Variants in ZNF827 observed in about 807,000 individuals in gnomAD.
ZNF827 encodes zinc finger protein 827.
In ZNF827, 13 loss-of-function variants were observed where a neutral mutation model predicts 102.4. The observed-to-expected ratio is 0.13, with a 90% confidence interval of 0.08 to 0.20. The LOEUF is 0.20. Among genes scored for constraint, ZNF827 ranks in the 10% least tolerant of loss-of-function variants. ZNF827 has a pLI of 1.00. For missense variants in ZNF827, 1,103 were observed against 1,344.4 expected, an observed-to-expected ratio of 0.82 and a Z score of 2.81; for synonymous variants, 523 against 536.2, an observed-to-expected ratio of 0.98 and a Z score of 0.34.
chr4:145,930,508 A>G (rs978061036), intron 1 of ZNF827, among the ~76,000 whole-genome samples: 1 of 152,238 alleles, frequency 6.6e-6, no homozygotes, highest in Non-Finnish European at 1.5e-5. Context: ...CCTGGCCTCC[A>G]AGAAGGTCCA....
chr4:145,803,521 C>A (rs1741121175), intron 8 of ZNF827, among the ~76,000 whole-genome samples: 1 of 152,050 alleles, frequency 6.6e-6, no homozygotes, highest in African/African-American at 2.4e-5. Context: ...TAGCTGTTTG[C>A]AAAAGGATTT....
chr4:145,813,097 C>T (rs970391901), intron 8 of ZNF827, among the ~76,000 whole-genome samples: 1 of 152,172 alleles, frequency 6.6e-6, no homozygotes, highest in Non-Finnish European at 1.5e-5. Flanking sequence ...TCACTGACAT[C>T]CTCTGCTCCT....
Position 145,902,376 on chromosome 4 carries a change from C to A in ZNF827, c.883G>T (p.Ala295Ser). The change falls in exon 2 of 15, where the codon GCC becomes TCC. Residue 295 changes from alanine (A) to serine (S), a missense_variant. By Grantham distance (99) the Ala-to-Ser change is moderately conservative. Transcript: ENST00000508784. This position sits in a 1 kb window ranked among gnomAD's most constrained non-coding sequence, Gnocchi z 4.3. ...TSSAALLKEV[A>S]ARAAGSLLAE... ...AGAAGACTGCCCGCAGCCCTTGCGG[C>A]CACCTCCTTCAGAAGGGCCGCTGAG... The A allele has an allele frequency of 6.2e-7, 1 of 1,612,034 alleles. No individual in the cohort carries two copies. The highest frequency in any genetic ancestry group is 2.2e-5 in the East Asian group (1 of 44,814).
At chr4:145,923,698 C>T (rs1384146292) in intron 1 of ZNF827, among the ~76,000 whole-genome samples, 1 of 152,150 alleles carries the variant, frequency 6.6e-6, no homozygotes, top group African/African-American at 2.4e-5. Context: ...AATAATGCTA[C>T]TCTTCTCACT....
intron 1 of ZNF827, among the ~76,000 whole-genome samples, chr4:145,906,454 A>C (rs1273368651): frequency 6.6e-6 from 1 of 152,208 alleles, no homozygotes; most frequent in African/African-American, 2.4e-5. Flanking sequence ...GGAGATTCAA[A>C]TGCCTAAAGA....
intron 4 of ZNF827, among the ~76,000 whole-genome samples, chr4:145,875,260 G>A (rs1220262430): frequency 1.3e-5 from 2 of 152,140 alleles, no homozygotes; most frequent in Non-Finnish European, 2.9e-5. Flanking sequence ...ACAGGAGACA[G>A]ATGTTATTAC....
intron 8 of ZNF827, among the ~76,000 whole-genome samples, chr4:145,806,220 G>A (rs1660246697): frequency 6.8e-6 from 1 of 147,210 alleles, no homozygotes; most frequent in South Asian, 2.2e-4. Flanking sequence ...GGTGCTATCT[G>A]GGCTCACTGC....
chr4:145,762,973 G>T lies in ZNF827; in HGVS notation c.*17+117C>A. 1 of 1,018,694 alleles carries T rather than the reference G, an allele frequency of 9.8e-7. No individual in the cohort carries two copies. The highest frequency in any genetic ancestry group is 1.6e-5 in the South Asian group (1 of 63,552). The allele number at this position is 1,018,694 out of a possible 1,614,324, so 63.1% of individuals were successfully genotyped here. Reference sequence around the variant, plus strand: ...GTGCACCGTGCACGGCCTCCTCAGCGCCAAGCTCGCCGTTAGCCTTTGAAC... The same window carrying T: ...GTGCACCGTGCACGGCCTCCTCAGCTCCAAGCTCGCCGTTAGCCTTTGAAC... On this transcript the variant is annotated intron_variant, in intron 14 of 14. Coordinates refer to ENST00000508784, the MANE Select transcript of ZNF827 (RefSeq NM_001306215.2). The surrounding 1 kb of genome is among the most constrained non-coding windows in gnomAD (Gnocchi z 4.9).
intron 8 of ZNF827, among the ~76,000 whole-genome samples, chr4:145,784,569 A>C (rs1242326635): frequency 6.6e-6 from 1 of 152,228 alleles, no homozygotes; most frequent in African/African-American, 2.4e-5. Context: ...CTGTTGGGAA[A>C]GAAAAACCTT....
chr4:145,814,235 A>G (rs1225099315), intron 8 of ZNF827, among the ~76,000 whole-genome samples: 2 of 152,230 alleles, frequency 1.3e-5, no homozygotes, highest in Non-Finnish European at 2.9e-5. Context: ...AACACTTTGG[A>G]TAAGGGATAC....
rs1277332650 is a variant in ZNF827, at chr4:145,765,435, A to T, written c.3052+112T>A. The T allele has an allele frequency of 7.6e-7, 1 of 1,309,498 alleles. No individual in the cohort carries two copies. The highest frequency in any genetic ancestry group is 1.0e-6 in the Non-Finnish European group (1 of 961,996). The allele number at this position is 1,309,498 out of a possible 1,614,324, so 81.1% of individuals were successfully genotyped here. On this transcript the variant is annotated intron_variant, in intron 12 of 14. Transcript: ENST00000508784. This position sits in a 1 kb window ranked among gnomAD's most constrained non-coding sequence, Gnocchi z 4.7. The stretch of plus-strand genomic sequence containing the variant: ...CTTTAGGTGAGGCCCAGCATACTGC[A>T]TCCTGGGCCTATTATCAGTTTTTGA...
chr4:145,773,254 C>T (rs1736556633), intron 11 of ZNF827, among the ~76,000 whole-genome samples: 2 of 152,320 alleles, frequency 1.3e-5, no homozygotes, highest in African/African-American at 4.8e-5. Flanking sequence ...AATGTGGTTA[C>T]AGTCAGACAA....
intron 1 of ZNF827, among the ~76,000 whole-genome samples, chr4:145,919,267 AAAC>A (rs1752895000): frequency 6.6e-6 from 1 of 152,230 alleles, no homozygotes; most frequent in Non-Finnish European, 1.5e-5. Context: ...ATTAAAATAA[AAAC>A]AAATCCTATA....
At chr4:145,923,863 G>A (rs939016762) in intron 1 of ZNF827, among the ~76,000 whole-genome samples, 1 of 152,120 alleles carries the variant, frequency 6.6e-6, no homozygotes, top group Non-Finnish European at 1.5e-5. Context: ...CGCACAAAAG[G>A]TTTTTGGAGT....
At chr4:145,915,850 C>T (rs1212857313) in intron 1 of ZNF827, among the ~76,000 whole-genome samples, 3 of 152,194 alleles carry the variant, frequency 2.0e-5, no homozygotes, top group African/African-American at 7.2e-5. Context: ...TATCCACTTC[C>T]AAAATACAAT....
intron 8 of ZNF827, among the ~76,000 whole-genome samples, chr4:145,789,190 T>C (rs1349429969): frequency 1.3e-5 from 2 of 152,188 alleles, no homozygotes; most frequent in Non-Finnish European, 2.9e-5. Flanking sequence ...TCCTCGATAT[T>C]TTCCTCAAAC....
chr4:145,926,703 T>C (rs1753454021), intron 1 of ZNF827, among the ~76,000 whole-genome samples: 1 of 152,204 alleles, frequency 6.6e-6, no homozygotes, highest in Admixed American at 6.5e-5. Context: ...ATACTACTTT[T>C]GTCATTAAAA....
At chr4:145,839,296 G>T (rs768049949) in intron 7 of ZNF827, 1 of 152,238 alleles carries the variant, frequency 6.6e-6, no homozygotes, top group Non-Finnish European at 1.5e-5. Flanking sequence ...GTCGAGGGCC[G>T]CTGCAGTGGA....
intron 11 of ZNF827, among the ~76,000 whole-genome samples, chr4:145,773,680 A>G (rs1736619536): frequency 6.6e-6 from 1 of 152,254 alleles, no homozygotes; most frequent in Admixed American, 6.5e-5. Context: ...GGAAGAAGTT[A>G]ACCAGAATGG....
Sources: gnomAD v4.1 joint callset for allele counts (sites outside exome capture counted in the v4.1 genomes callset) on GRCh38, gnomAD v4.1.1 for gene constraint, Gnocchi (gnomAD v3.1) non-coding constraint, MANE v1.5 for transcripts, NCBI Gene and HGNC (gene_info 2026-07-23, HGNC 2026-07-21) for gene names.